The following CEP250 variants were observed in gnomAD, a reference collection of about 807,000 sequenced individuals.
CEP250 encodes centrosome-associated protein CEP250.
Under a neutral mutation model 315.7 loss-of-function variants are expected in CEP250, and 242 were observed. The observed-to-expected ratio is 0.77, with a 90% CI of 0.69 to 0.85. CEP250 has a LOEUF of 0.85. CEP250 is among the 40% of genes least tolerant of loss of function. CEP250 has a pLI of 0.00. For synonymous variants in CEP250, 1,088 were observed against 1,175.0 expected (o/e 0.93, Z 1.51); for missense variants, 2,515 against 2,886.4 (o/e 0.87, Z 2.95).
rs1284039066 is a variant in CEP250 at position 35,465,767 on chromosome 20, A to T, written c.268A>T (p.Asn90Tyr). The change falls in exon 6 of 35, where the codon AAT becomes TAT. Residue 90 changes from asparagine (N) to tyrosine (Y), a missense_variant. Transcript: ENST00000397527. ...TGGPIPQRWE[N>Y]VEEPNLDELL... Reference sequence around the variant, plus strand: ...GGGACCAATCCCCCAGAGGTGGGAAAATGTGGAGGAGCCAAACCTGGATGA... The same window carrying T: ...GGGACCAATCCCCCAGAGGTGGGAATATGTGGAGGAGCCAAACCTGGATGA... 6.2e-7 allele frequency: 1 copy of T among 1,607,796 alleles called. No individual in the cohort carries two copies. Among genetic ancestry groups the T allele is most frequent in the African/African-American group, 1.3e-5 (1 of 74,842 alleles).
chr20:35,510,062 C>T lies in CEP250; in HGVS notation c.7065+8C>T. ...GCTGAACTGCAGAAAGAGGTATGTTCTGGATTTTCTAAGCCCATATTCCCT... is the reference window on the plus strand; with the variant it reads ...GCTGAACTGCAGAAAGAGGTATGTTTTGGATTTTCTAAGCCCATATTCCCT... On this transcript the variant is annotated splice_region_variant and intron_variant, in intron 34 of 34. Transcript: ENST00000397527. 1.2e-6 allele frequency: 2 copies of T among 1,613,816 alleles called. No homozygotes were observed. Among genetic ancestry groups the T allele is most frequent in the South Asian group, 1.1e-5 (1 of 91,086 alleles).
chr20:35,456,600 T>A (rs1019801585), intron 1 of CEP250, among the ~76,000 whole-genome samples: 1 of 152,198 alleles, frequency 6.6e-6, no homozygotes, highest in Non-Finnish European at 1.5e-5. Context: ...GACATAGGTG[T>A]CATTATCGCT....
In CEP250 at chr20:35,503,039, G is replaced by T. The variant is rs1165795118; in HGVS notation, c.4670G>T (p.Cys1557Phe). The stretch of plus-strand genomic sequence containing the variant: ...AAAAAGCAGTTGGTTACTCTGGAAT[G>T]CCTGGCCCTGGAACTGGAGGAAAAC... The part of the protein sequence containing the change: ...DLKKQLVTLE[C>F]LALELEENHH... The change falls in exon 30 of 35, where the codon TGC (cysteine) becomes TTC (phenylalanine). Residue 1557 changes from cysteine to phenylalanine, a missense_variant. Cys to Phe is a radical substitution (Grantham distance 205, BLOSUM62 -2). Coordinates refer to ENST00000397527, the MANE Select transcript of CEP250 (RefSeq NM_007186.6). This position sits in a 1 kb window ranked among gnomAD's most constrained non-coding sequence, Gnocchi z 4.2. 6.2e-7 allele frequency: 1 copy of T among 1,614,208 alleles called. No individual in the cohort carries two copies. Among genetic ancestry groups the T allele is most frequent in the East Asian group, 2.2e-5 (1 of 44,886 alleles).
At chr20:35,492,486 C>T (rs967873759) in intron 22 of CEP250, among the ~76,000 whole-genome samples, 3 of 152,044 alleles carry the variant, frequency 2.0e-5, no homozygotes, top group African/African-American at 7.3e-5. Context: ...TGAGTTATAT[C>T]TCAAGCCATT....
chr20:35,459,396 CTT>C (rs1289457596), intron 2 of CEP250, among the ~76,000 whole-genome samples: 4 of 152,016 alleles, frequency 2.6e-5, no homozygotes, highest in Admixed American at 6.5e-5. Flanking sequence ...TAAAAGAAAA[CTT>C]AATGAGAATT....
At chr20:35,462,176 G>A (rs2062771748) in intron 3 of CEP250, 89 bp from the exon 4 acceptor site, 1 of 483,070 alleles carries the variant, frequency 2.1e-6, no homozygotes. Flanking sequence ...AGAGATGAGG[G>A]TCCCTTTTAG....
At chr20:35,507,963 CTG>C (rs1419091076) in intron 31 of CEP250, 70 bp from the exon 32 acceptor site, 2 of 1,603,692 alleles carry the variant, frequency 1.2e-6, no homozygotes, top group Non-Finnish European at 8.5e-7. Flanking sequence ...CCAGATTGGT[CTG>C]TGTGTCCTCT....
At chr20:35,462,979 T>G (rs922065423) in intron 4 of CEP250, among the ~76,000 whole-genome samples, 4 of 152,206 alleles carry the variant, frequency 2.6e-5, no homozygotes, top group African/African-American at 9.7e-5. Flanking sequence ...TTATCCAGGT[T>G]TCTTCAGCTA....
chr20:35,506,124 AGT>A (rs2064179422), intron 30 of CEP250, among the ~76,000 whole-genome samples: 1 of 152,182 alleles, frequency 6.6e-6, no homozygotes, highest in Non-Finnish European at 1.5e-5. Flanking sequence ...GGCAGAAAGA[AGT>A]CAAAGATGAC....
chr20:35,509,957 G>A (rs1432929227), intron 33 of CEP250, 41 bp from the exon 34 acceptor site: 2 of 1,590,274 alleles, frequency 1.3e-6, no homozygotes, highest in Non-Finnish European at 1.7e-6. Context: ...CCCCAGAGTG[G>A]GAAGGCCTAT....
intron 28 of CEP250, among the ~76,000 whole-genome samples, chr20:35,501,262 G>A (rs1021037937): frequency 1.3e-5 from 2 of 152,074 alleles, no homozygotes; most frequent in African/African-American, 4.8e-5. Flanking sequence ...GCTTGAACCC[G>A]GGAGGTGGAG....
Position 35,504,706 on chromosome 20 carries a change from C to A in CEP250, c.6337C>A (p.Leu2113Met), listed in dbSNP as rs2064132649. The A allele has an allele frequency of 6.2e-7, 1 of 1,614,178 alleles. No individual in the cohort carries two copies. The highest frequency in any genetic ancestry group is 8.5e-7 in the Non-Finnish European group (1 of 1,180,032). ...LAQKEQEILE[L>M]RETQQRNNLE... The stretch of plus-strand genomic sequence containing the variant: ...CCAAAAGGAACAGGAGATTCTGGAG[C>A]TGAGGGAGACCCAGCAAAGGAACAA... The change falls in exon 30 of 35, where the codon CTG (leucine) becomes ATG (methionine). Residue 2113 changes from leucine to methionine, a missense_variant. Coordinates refer to ENST00000397527, the MANE Select transcript of CEP250 (RefSeq NM_007186.6).
chr20:35,470,234 T>G (rs1388219197), intron 10 of CEP250: 1 of 512,180 alleles, frequency 2.0e-6, no homozygotes, highest in African/African-American at 2.0e-5. Context: ...ATGCAGTGTG[T>G]CCTTACCAGA....
intron 26 of CEP250, 51 bp from the exon 27 acceptor site, chr20:35,498,544 G>A (rs1337501352): frequency 1.3e-6 from 2 of 1,598,024 alleles, no homozygotes; most frequent in East Asian, 2.3e-5. Flanking sequence ...AGGTCTGGCT[G>A]TTTCTTTTCA....
At chr20:35,497,632 C>T in intron 25 of CEP250, 87 bp from the exon 26 acceptor site, 1 of 924,938 alleles carries the variant, frequency 1.1e-6, no homozygotes, top group Non-Finnish European at 1.6e-6. Context: ...AGAGTTTGTA[C>T]AAGGATTGAG....
rs2064388265 is a variant in CEP250 at position 35,512,823 on chromosome 20, GTGCTGGGAT to G, written c.*1199_*1207del. On this transcript the variant is annotated 3_prime_UTR_variant, in exon 35 of 35. Transcript: ENST00000397527. ...GATCCTCCCACCTCAACCTCTCAAA[GTGCTGGGAT>G]TACCGGTGTGAGCCACCATGCCCAA... The G allele has an allele frequency of 6.6e-6, 1 of 152,290 alleles. No individual in the cohort carries two copies. The highest frequency in any genetic ancestry group is 2.4e-5 in the African/African-American group (1 of 41,416). The allele number at this position is 152,290 out of a possible 1,614,324, so 9.4% of individuals were successfully genotyped here.
chr20:35,459,539 T>G (rs2062708324), intron 2 of CEP250, among the ~76,000 whole-genome samples: 1 of 151,750 alleles, frequency 6.6e-6, no homozygotes, highest in African/African-American at 2.4e-5. Context: ...GCCATTGCTT[T>G]GGGAGGCTTG....
chr20:35,480,208 G>C lies in CEP250; in HGVS notation c.2586+63G>C, dbSNP rs956072641. 10 of 1,493,792 alleles carry C rather than the reference G, an allele frequency of 6.7e-6. No homozygotes were observed. In the African/African-American group the frequency reaches 1.3e-4, roughly 19 times the overall value. 92.5% of individuals were successfully genotyped at this position (1,493,792 alleles called of 1,614,324 possible). A position where few individuals can be genotyped will look rare whatever the true frequency, so the allele number is the denominator to read the frequency against. On this transcript the variant is annotated intron_variant, in intron 20 of 34. Coordinates refer to ENST00000397527, the MANE Select transcript of CEP250 (RefSeq NM_007186.6). ...ATGAGTGCTCTACCTGCTGCCTCTT[G>C]GTCCAGTTATTGCTGCTCGTATGAG...
intron 2 of CEP250, among the ~76,000 whole-genome samples, chr20:35,458,741 A>C (rs1180252359): frequency 6.6e-6 from 1 of 152,218 alleles, no homozygotes; most frequent in Non-Finnish European, 1.5e-5. Context: ...GAATTTCAGA[A>C]AGATTCCTGA....
Sources: gnomAD v4.1 joint callset for allele counts (sites outside exome capture counted in the v4.1 genomes callset) on GRCh38, gnomAD v4.1.1 for gene constraint, Gnocchi (gnomAD v3.1) non-coding constraint, MANE v1.5 for transcripts, NCBI Gene and HGNC (gene_info 2026-07-23, HGNC 2026-07-21) for gene names.